Variants in ADCY2 observed in about 807,000 individuals in gnomAD.
ADCY2 encodes the protein adenylate cyclase type 2.
ADCY2 carries 31 observed loss-of-function variants against 125.2 expected under a neutral mutation model. The observed-to-expected ratio is 0.25, with a 90% confidence interval of 0.19 to 0.33. ADCY2 has a LOEUF of 0.33. ADCY2 is among the 10% of genes least tolerant of loss of function. The pLI, the probability that ADCY2 is intolerant of heterozygous loss-of-function variation, is 1.00. For missense variants in ADCY2, 904 were observed against 1,418.2 expected, an observed-to-expected ratio of 0.64 and a Z score of 5.82; for synonymous variants, 512 against 548.4, an observed-to-expected ratio of 0.93 and a Z score of 0.93.
At chr5:7,573,596 T>TC (rs1736138183) in intron 3 of ADCY2, among the ~76,000 whole-genome samples, 1 of 133,476 alleles carries the variant, frequency 7.5e-6, no homozygotes, top group Non-Finnish European at 1.6e-5. Flanking sequence ...TGATTTTCTT[T>TC]TTTTTTTTTT....
chr5:7,561,502 GTA>G (rs1446488394), intron 3 of ADCY2, among the ~76,000 whole-genome samples: 10 of 151,302 alleles, frequency 6.6e-5, no homozygotes, highest in African/African-American at 2.2e-4. Context: ...AACTATCATT[GTA>G]TATGTGATTT....
Position 7,690,646 on chromosome 5 carries a change from G to A in ADCY2, c.721-45G>A, listed in dbSNP as rs373554975. Reference sequence around the variant, plus strand: ...CTCCAATGTTATTTGGTCATCCCCCGAGGTGTCTGAGAGACATTTGTTCCT... The same window carrying A: ...CTCCAATGTTATTTGGTCATCCCCCAAGGTGTCTGAGAGACATTTGTTCCT... On this transcript the variant is annotated intron_variant, in intron 4 of 24. Coordinates refer to ENST00000338316, the MANE Select transcript of ADCY2 (RefSeq NM_020546.3). 5.6e-5 allele frequency: 82 copies of A among 1,458,504 alleles called. No individual in the cohort carries two copies. In the Admixed American group the frequency reaches 1.7e-3, roughly 30 times the overall value. The allele number at this position is 1,458,504 out of a possible 1,614,324, so 90.3% of individuals were successfully genotyped here. A position where few individuals can be genotyped will look rare whatever the true frequency, so the allele number is the denominator to read the frequency against.
At chr5:7,823,025 ATTG>A (rs372805594) in intron 24 of ADCY2, among the ~76,000 whole-genome samples, 63 of 152,152 alleles carry the variant, frequency 4.1e-4, no homozygotes, top group African/African-American at 1.5e-3. Flanking sequence ...TGTCCCCTCC[ATTG>A]TTGTCAGAAT....
At chr5:7,477,121 C>CTCCAGTTTCT (rs1742555152) in intron 2 of ADCY2, among the ~76,000 whole-genome samples, 1 of 152,104 alleles carries the variant, frequency 6.6e-6, no homozygotes, top group African/African-American at 2.4e-5. Flanking sequence ...TTATATTTAT[C>CTCCAGTTTCT]TCCAGTTTCT....
intron 4 of ADCY2, among the ~76,000 whole-genome samples, chr5:7,661,434 G>T (rs554890548): frequency 6.6e-6 from 1 of 152,246 alleles, no homozygotes; most frequent in South Asian, 2.1e-4. Context: ...TGAACAAAAT[G>T]GCAAAGGCAA....
At chr5:7,738,246 C>G (rs1553983037) in intron 14 of ADCY2, among the ~76,000 whole-genome samples, 1 of 152,010 alleles carries the variant, frequency 6.6e-6, no homozygotes, top group Non-Finnish European at 1.5e-5. Context: ...ATTGTTGTGT[C>G]ATGTATTTTT....
At chr5:7,621,094 T>A (rs1349154827) in intron 3 of ADCY2, among the ~76,000 whole-genome samples, 15 of 152,172 alleles carry the variant, frequency 9.9e-5, no homozygotes, top group Non-Finnish European at 2.9e-5. Context: ...ATCTGAGTGG[T>A]CACCTAACTC....
At chr5:7,761,125 C>A (rs185612135) in intron 16 of ADCY2, among the ~76,000 whole-genome samples, 159 of 129,990 alleles carry the variant, frequency 1.2e-3, no homozygotes, top group Middle Eastern at 4.4e-3. Context: ...GTGTGTGTAT[C>A]AAAATTTCTT....
chr5:7,669,990 C>G (rs1202967718), intron 4 of ADCY2, among the ~76,000 whole-genome samples: 1 of 152,190 alleles, frequency 6.6e-6, no homozygotes, highest in East Asian at 1.9e-4. Flanking sequence ...TATGGGCTTT[C>G]TGTGTTTCTT....
intron 4 of ADCY2, among the ~76,000 whole-genome samples, chr5:7,687,848 G>A (rs964603242): frequency 6.6e-6 from 1 of 152,164 alleles, no homozygotes. Context: ...AATGGAAGAT[G>A]GTATTGAATC....
intron 4 of ADCY2, among the ~76,000 whole-genome samples, chr5:7,687,465 T>C (rs375224750): frequency 1.3e-5 from 2 of 152,062 alleles, no homozygotes; most frequent in East Asian, 3.9e-4. Context: ...TACAGTAATT[T>C]AGTTGGGAAG....
At chr5:7,437,419 A>C (rs917477005) in intron 2 of ADCY2, among the ~76,000 whole-genome samples, 4 of 152,196 alleles carry the variant, frequency 2.6e-5, no homozygotes, top group African/African-American at 7.2e-5. Context: ...TCGGAGTGGA[A>C]GTTAAGAGCA....
At chr5:7,480,608 A>G (rs895262832) in intron 2 of ADCY2, among the ~76,000 whole-genome samples, 4 of 152,094 alleles carry the variant, frequency 2.6e-5, no homozygotes, top group African/African-American at 9.7e-5. Flanking sequence ...TTGGAGGGTG[A>G]AGAGTGGGAG....
At chr5:7,430,360 C>T (rs1740543979) in intron 2 of ADCY2, among the ~76,000 whole-genome samples, 1 of 151,742 alleles carries the variant, frequency 6.6e-6, no homozygotes. Flanking sequence ...CATGGGGCCA[C>T]CATTACTCTG....
At chr5:7,452,201 C>G (rs889919436) in intron 2 of ADCY2, among the ~76,000 whole-genome samples, 1 of 152,186 alleles carries the variant, frequency 6.6e-6, no homozygotes, top group African/African-American at 2.4e-5. Context: ...GCATGAGCAA[C>G]CGTGCCCGGC....
intron 2 of ADCY2, among the ~76,000 whole-genome samples, chr5:7,520,491 G>A (rs2126532021): frequency 1.3e-5 from 2 of 152,312 alleles, no homozygotes; most frequent in South Asian, 4.1e-4. Flanking sequence ...CCATACTCAT[G>A]GAGTGGTTTG....
intron 4 of ADCY2, among the ~76,000 whole-genome samples, chr5:7,646,053 C>T (rs1169338372): frequency 6.6e-6 from 1 of 152,014 alleles, no homozygotes; most frequent in East Asian, 1.9e-4. Flanking sequence ...TCTATTATGG[C>T]ATGGCATTTG....
At chr5:7,784,038 A>G (rs1016816068) in intron 18 of ADCY2, among the ~76,000 whole-genome samples, 2 of 152,240 alleles carry the variant, frequency 1.3e-5, no homozygotes, top group African/African-American at 4.8e-5. Flanking sequence ...TGATGAAAAC[A>G]TTGAAGAAAC....
chr5:7,804,693 G>A lies in ADCY2; in HGVS notation c.2883+1G>A. 6.2e-7 allele frequency: 1 copy of A among 1,613,230 alleles called. No homozygotes were observed. Among genetic ancestry groups the A allele is most frequent in the Non-Finnish European group, 8.5e-7 (1 of 1,179,204 alleles). ...TGTGCCCAGCCAGGAGCACTCCCAG[G>A]TAAGACGCGTTGGCCACTTAACGGC... On this transcript the variant is annotated splice_donor_variant, in intron 22 of 24. Transcript: ENST00000338316. LOFTEE classifies it high-confidence loss of function.
Sources: allele counts gnomAD v4.1 joint callset (sites outside exome capture counted in the v4.1 genomes callset), GRCh38; gene constraint gnomAD v4.1.1; transcripts MANE v1.5; gene names NCBI Gene and HGNC (gene_info 2026-07-23, HGNC 2026-07-21).